Variants in LRRC20 observed in about 807,000 individuals in gnomAD.
LRRC20 encodes the protein leucine-rich repeat-containing protein 20.
LRRC20 carries 11 observed loss-of-function variants against 14.4 expected under a neutral mutation model. The observed-to-expected ratio is 0.77, with a 90% CI of 0.48 to 1.27. The LOEUF (loss-of-function observed/expected upper bound fraction) is 1.27, where lower values mean the gene tolerates loss of function less well. Among genes scored for constraint, LRRC20 ranks in the 50% most tolerant of loss-of-function variants. The pLI, the probability that LRRC20 is intolerant of heterozygous loss-of-function variation, is 0.00. For missense variants in LRRC20, 219 were observed against 251.2 expected (o/e 0.87, Z 0.87); for synonymous variants, 121 against 107.3 (o/e 1.13, Z -0.79).
chr10:70,305,743 A>ATTT (rs34994675), intron 4 of LRRC20, among the ~76,000 whole-genome samples: 38 of 144,758 alleles, frequency 2.6e-4, no homozygotes, highest in East Asian at 1.0e-3. Flanking sequence ...AGATTTGCCA[A>ATTT]TTTTTTTTTT....
chr10:70,379,131 G>A (rs1844614633), intron 1 of LRRC20, among the ~76,000 whole-genome samples: 1 of 152,134 alleles, frequency 6.6e-6, no homozygotes. Flanking sequence ...CAGGTCAAGA[G>A]ACTCTTACAA....
At chr10:70,331,850 C>T (rs184631039) in intron 3 of LRRC20, among the ~76,000 whole-genome samples, 1 of 152,262 alleles carries the variant, frequency 6.6e-6, no homozygotes, top group East Asian at 1.9e-4. Flanking sequence ...TTAAATGGAC[C>T]TCTTCTTCCC....
chr10:70,372,654 G>C (rs557136883), intron 2 of LRRC20, among the ~76,000 whole-genome samples: 3 of 151,860 alleles, frequency 2.0e-5, no homozygotes, highest in East Asian at 3.9e-4. Context: ...ATGTTAGCCA[G>C]GATGGTTTCG....
chr10:70,377,260 A>C (rs1444575815), intron 1 of LRRC20, among the ~76,000 whole-genome samples: 1 of 152,222 alleles, frequency 6.6e-6, no homozygotes, highest in African/African-American at 2.4e-5. Flanking sequence ...ATCTGCAAGA[A>C]AAGCGGGCAG....
At chr10:70,303,106 C>T (rs10762361) in intron 4 of LRRC20, among the ~76,000 whole-genome samples, 92,072 of 151,888 alleles carry the variant, frequency 0.61, 28,761 homozygotes, top group Non-Finnish European at 0.68. Context: ...CCAAAACCAC[C>T]GAATTGCATA....
At chr10:70,368,479 C>T (rs1235077897) in intron 2 of LRRC20, among the ~76,000 whole-genome samples, 1 of 151,080 alleles carries the variant, frequency 6.6e-6, no homozygotes, top group Non-Finnish European at 1.5e-5. Context: ...TTAGTAGAGA[C>T]AGTTTTCACC....
intron 2 of LRRC20, among the ~76,000 whole-genome samples, chr10:70,343,612 G>T (rs909145919): frequency 6.6e-6 from 1 of 152,220 alleles, no homozygotes; most frequent in African/African-American, 2.4e-5. Context: ...CAAGGGCTGA[G>T]CTGGAAGCAA....
At chr10:70,326,353 C>T (rs1259342350) in intron 3 of LRRC20, among the ~76,000 whole-genome samples, 1 of 151,348 alleles carries the variant, frequency 6.6e-6, no homozygotes. Context: ...TGGGTACCAG[C>T]CCCACTGCAA....
At chr10:70,317,695 G>T (rs1418446671) in intron 4 of LRRC20, among the ~76,000 whole-genome samples, 1 of 152,190 alleles carries the variant, frequency 6.6e-6, no homozygotes, top group Non-Finnish European at 1.5e-5. Context: ...CTCCCTCTCT[G>T]TGTCATCCAG....
intron 4 of LRRC20, among the ~76,000 whole-genome samples, chr10:70,317,616 C>A (rs910409990): frequency 6.6e-6 from 1 of 152,120 alleles, no homozygotes; most frequent in Admixed American, 6.5e-5. Flanking sequence ...CAGCCTCAAG[C>A]GATCCTCCTG....
At chr10:70,333,255 C>G (rs1039425744) in intron 3 of LRRC20, among the ~76,000 whole-genome samples, 12 of 152,138 alleles carry the variant, frequency 7.9e-5, no homozygotes, top group African/African-American at 2.7e-4. Flanking sequence ...CCCTCCTCCC[C>G]CAACACACTG....
intron 4 of LRRC20, 65 bp downstream of exon 4, chr10:70,323,798 A>G (rs1430541117): frequency 6.4e-7 from 1 of 1,569,158 alleles, no homozygotes; most frequent in African/African-American, 1.4e-5. Context: ...GGTCGACTCC[A>G]GAGTCCTGTG....
At chr10:70,331,019 C>T (rs979741972) in intron 3 of LRRC20, among the ~76,000 whole-genome samples, 1 of 152,204 alleles carries the variant, frequency 6.6e-6, no homozygotes, top group Non-Finnish European at 1.5e-5. Context: ...AGAAAAGCCA[C>T]TTCTCCCTTC....
intron 4 of LRRC20, among the ~76,000 whole-genome samples, chr10:70,311,222 A>ATTTTTTTTT (rs11314061): frequency 5.8e-5 from 5 of 86,346 alleles, no homozygotes; most frequent in South Asian, 4.5e-4. Context: ...TCAACATTCC[A>ATTTTTTTTT]TTTTTTTTTT....
At chr10:70,318,691 T>C (rs1841962489) in intron 4 of LRRC20, among the ~76,000 whole-genome samples, 1 of 149,942 alleles carries the variant, frequency 6.7e-6, no homozygotes, top group Non-Finnish European at 1.5e-5. Context: ...GAAGTTGAGG[T>C]TGCAGTGAGC....
chr10:70,338,945 G>A (rs1239366571), intron 3 of LRRC20, among the ~76,000 whole-genome samples: 2 of 152,238 alleles, frequency 1.3e-5, no homozygotes, highest in African/African-American at 2.4e-5. Context: ...ACAGGCGTGA[G>A]CCACTGCACC....
chr10:70,336,325 G>T (rs1842725268), intron 3 of LRRC20, among the ~76,000 whole-genome samples: 1 of 152,118 alleles, frequency 6.6e-6, no homozygotes, highest in Non-Finnish European at 1.5e-5. Flanking sequence ...TATAAAAACA[G>T]AACTCCACTC....
At chr10:70,316,172 A>G (rs1200828452) in intron 4 of LRRC20, among the ~76,000 whole-genome samples, 1 of 152,090 alleles carries the variant, frequency 6.6e-6, no homozygotes, top group Admixed American at 6.6e-5. Flanking sequence ...TGGCTCTGTC[A>G]CCCAGGCTGG....
chr10:70,324,424 T>G (rs548417421), intron 3 of LRRC20, among the ~76,000 whole-genome samples: 1 of 152,216 alleles, frequency 6.6e-6, no homozygotes, highest in African/African-American at 2.4e-5. Flanking sequence ...CCACACTCCA[T>G]TTAGGGGACA....
Sources: gnomAD v4.1 joint callset for allele counts (sites outside exome capture counted in the v4.1 genomes callset) on GRCh38, gnomAD v4.1.1 for gene constraint, MANE v1.5 for transcripts, NCBI Gene and HGNC (gene_info 2026-07-23, HGNC 2026-07-21) for gene names.